CMTR1: variants seen among roughly 807,000 people sequenced by gnomAD.
The protein encoded by CMTR1 is cap-specific mRNA (nucleoside-2'-O-)-methyltransferase 1.
In CMTR1, 39 loss-of-function variants were observed where a neutral mutation model predicts 107.0. The observed-to-expected ratio is 0.36, with a 90% CI of 0.28 to 0.48. The LOEUF is 0.48. Among genes scored for constraint, CMTR1 ranks in the 20% least tolerant of loss-of-function variants. The probability of loss-of-function intolerance (pLI) is 0.99; values close to 1 mark genes in which losing one functional copy is unlikely to be tolerated. For missense variants in CMTR1, 672 were observed against 1,064.9 expected (o/e 0.63, Z 5.14); for synonymous variants, 366 against 379.5 (o/e 0.96, Z 0.41).
chr6:37,475,608 C>G lies in CMTR1; in HGVS notation c.2036+196C>G, dbSNP rs377304025. On this transcript the variant is annotated intron_variant, in intron 19 of 23. Coordinates refer to ENST00000373451, the MANE Select transcript of CMTR1 (RefSeq NM_015050.3). ...GTTGCCACTTCAGAGTTTGCTAGGG[C>G]TTGGGCCCTGGTTATCAGAGATACC... 25 of 600,158 alleles carry G rather than the reference C, an allele frequency of 4.2e-5. 1 individual carries two copies. The highest frequency in any genetic ancestry group is 2.2e-4 in the South Asian group (11 of 50,810). The allele number at this position is 600,158 out of a possible 1,614,324, so 37.2% of individuals were successfully genotyped here.
chr6:37,431,701 C>T (rs948274446), upstream of CMTR1, among the ~76,000 whole-genome samples: 13 of 152,100 alleles, frequency 8.5e-5, no homozygotes, highest in Non-Finnish European at 1.2e-4. Flanking sequence ...GGAAATATTT[C>T]GAGATAGGGA....
Position 37,458,552 on chromosome 6 carries a change from C to T in CMTR1, c.778-60C>T, listed in dbSNP as rs1761342160. 1 of 1,535,316 alleles carries T rather than the reference C, an allele frequency of 6.5e-7. No individual in the cohort carries two copies. The highest frequency in any genetic ancestry group is 8.9e-7 in the Non-Finnish European group (1 of 1,118,386). Reference sequence around the variant, plus strand: ...TTTTACTCTCCCTGCATTCTCCTTCCTGTTGCCCATTGAGCTGTCTTGTTT... The same window carrying T: ...TTTTACTCTCCCTGCATTCTCCTTCTTGTTGCCCATTGAGCTGTCTTGTTT... On this transcript the variant is annotated intron_variant, in intron 8 of 23. Transcript: ENST00000373451. The surrounding 1 kb of genome is among the most constrained non-coding windows in gnomAD (Gnocchi z 4.7).
chr6:37,468,511 T>C (rs1761555199), intron 13 of CMTR1, among the ~76,000 whole-genome samples: 1 of 152,220 alleles, frequency 6.6e-6, no homozygotes, highest in Admixed American at 6.5e-5. Flanking sequence ...ATCATTTTGC[T>C]TCACCCTAAA....
chr6:37,462,143 A>G (rs1031209046), intron 12 of CMTR1, 41 bp downstream of exon 12: 7 of 1,612,064 alleles, frequency 4.3e-6, no homozygotes, highest in Non-Finnish European at 5.9e-6. Context: ...TAATTGGCTA[A>G]ATGTCAGAAC....
chr6:37,450,723 ATCT>A (rs1473518000), intron 5 of CMTR1, among the ~76,000 whole-genome samples: 3 of 152,190 alleles, frequency 2.0e-5, no homozygotes, highest in African/African-American at 7.2e-5. Context: ...AATTTGTTTA[ATCT>A]TCTTCTGGAA....
At chr6:37,433,774 C>T (rs78645525) in intron 1 of CMTR1, among the ~76,000 whole-genome samples, 3,898 of 152,322 alleles carry the variant, frequency 0.026, 78 homozygotes, top group Non-Finnish European at 0.037. Flanking sequence ...CTTAGAAGTT[C>T]CCTGCCAGAG....
intron 2 of CMTR1, among the ~76,000 whole-genome samples, chr6:37,439,020 G>C (rs965182694): frequency 1.3e-5 from 2 of 152,156 alleles, no homozygotes; most frequent in African/African-American, 4.8e-5. Flanking sequence ...ATTTCTGTCT[G>C]TGTGGACCTT....
chr6:37,428,743 C>T (rs1318960078), upstream of CMTR1, among the ~76,000 whole-genome samples: 2 of 152,212 alleles, frequency 1.3e-5, no homozygotes, highest in Non-Finnish European at 2.9e-5. Flanking sequence ...CAGGCATGAG[C>T]CACTGTGCCT....
At position 37,453,320 on chromosome 6, in the gene CMTR1, C is replaced by G; in HGVS notation, c.777+8C>G. ...CCGCGGGACTCTTATGGGGTGAGAA[C>G]AAGATTCTGCTTCTGAATTCATGGT... On this transcript the variant is annotated splice_region_variant and intron_variant, in intron 8 of 23. Transcript: ENST00000373451. 1 of 1,613,276 alleles carries G rather than the reference C, an allele frequency of 6.2e-7. No homozygotes were observed. The highest frequency in any genetic ancestry group is 8.5e-7 in the Non-Finnish European group (1 of 1,179,248).
chr6:37,468,086 A>G (rs1462736901), intron 13 of CMTR1, among the ~76,000 whole-genome samples: 15 of 150,164 alleles, frequency 1.0e-4, no homozygotes, highest in Non-Finnish European at 2.1e-4. Context: ...ATTTTTTAAT[A>G]ACTAATTCAG....
At chr6:37,430,917 G>T (rs560476751), upstream of CMTR1, among the ~76,000 whole-genome samples, 1 of 151,648 alleles carries the variant, frequency 6.6e-6, no homozygotes, top group South Asian at 2.1e-4. Flanking sequence ...GGCAGGCTGA[G>T]GCAGGAGAAT....
intron 13 of CMTR1, among the ~76,000 whole-genome samples, chr6:37,467,689 A>G (rs569346331): frequency 6.6e-6 from 1 of 151,628 alleles, no homozygotes; most frequent in Non-Finnish European, 1.5e-5. Context: ...TGATGAATTG[A>G]CCTTTTATTG....
chr6:37,448,615 A>T (rs77165253), intron 4 of CMTR1, among the ~76,000 whole-genome samples: 6 of 152,184 alleles, frequency 3.9e-5, no homozygotes, highest in African/African-American at 1.4e-4. Context: ...GTCTCTGTTG[A>T]TGCTGGTTGG....
intron 8 of CMTR1, among the ~76,000 whole-genome samples, chr6:37,455,642 T>G (rs1761277002): frequency 6.6e-6 from 1 of 152,046 alleles, no homozygotes; most frequent in South Asian, 2.1e-4. Flanking sequence ...TCTCTAAGTT[T>G]CAGTCCTAGC....
rs186705744 is a variant in CMTR1, at chr6:37,451,800, C to T, written c.538-6C>T. The stretch of plus-strand genomic sequence containing the variant: ...GTCATTACTTACTGCTTTTTTCTCC[C>T]TGTAGAGAAAGATGATTATTGAAGA... On this transcript the variant is annotated splice_region_variant and splice_polypyrimidine_tract_variant and intron_variant, in intron 5 of 23. Coordinates refer to ENST00000373451, the MANE Select transcript of CMTR1 (RefSeq NM_015050.3). 836 of 1,610,364 alleles carry T rather than the reference C, an allele frequency of 5.2e-4. 9 individuals carry two copies. The African/African-American group carries it at 9.3e-3, about 18-fold the overall frequency.
intron 18 of CMTR1, among the ~76,000 whole-genome samples, 184 bp downstream of exon 18, chr6:37,474,830 A>G (rs1391000311): frequency 6.6e-6 from 1 of 152,182 alleles, no homozygotes; most frequent in African/African-American, 2.4e-5. Flanking sequence ...TGGTTCAGGT[A>G]AGGAGGAGCG....
At chr6:37,473,187 G>C (rs892796314) in intron 16 of CMTR1, among the ~76,000 whole-genome samples, 46 of 152,188 alleles carry the variant, frequency 3.0e-4, no homozygotes, top group South Asian at 8.3e-4. Context: ...TTTATATTCT[G>C]GTGACATTTT....
At chr6:37,475,839 C>A in intron 19 of CMTR1, 1 of 502,400 alleles carries the variant, frequency 2.0e-6, no homozygotes, top group Non-Finnish European at 3.6e-6. Flanking sequence ...AAAGATGATA[C>A]TTGAAGTTCT....
intron 23 of CMTR1, 83 bp downstream of exon 23, chr6:37,479,338 A>T (rs1181083277): frequency 2.0e-6 from 2 of 982,914 alleles, no homozygotes; most frequent in Middle Eastern, 4.2e-4. Flanking sequence ...TTGGGGGCAC[A>T]CCCTGGGTCC....
Sources: allele counts gnomAD v4.1 joint callset (sites outside exome capture counted in the v4.1 genomes callset), GRCh38; gene constraint gnomAD v4.1.1; non-coding constraint Gnocchi (gnomAD v3.1); transcripts MANE v1.5; gene names NCBI Gene and HGNC (gene_info 2026-07-23, HGNC 2026-07-21).